CD38: variants seen among roughly 807,000 people sequenced by gnomAD.
CD38 encodes the protein CD38 molecule, also known as ADP-ribosyl cyclase/cyclic ADP-ribose hydrolase 1.
In CD38, 31 loss-of-function variants were observed where a neutral mutation model predicts 36.3. The ratio of observed to expected loss-of-function variants is 0.85; its 90% CI spans 0.64 to 1.15. The LOEUF (loss-of-function observed/expected upper bound fraction) is 1.15, where lower values mean the gene tolerates loss of function less well. Ranked by LOEUF, CD38 falls within the 50% of genes most tolerant of loss-of-function variation. The pLI is 0.00. For synonymous variants in CD38, 131 were observed against 135.2 expected (o/e 0.97, Z 0.22); for missense variants, 380 against 371.9 (o/e 1.02, Z -0.18).
chr4:15,824,792 G>GTT (rs147070346), intron 2 of CD38, 89 bp from the exon 3 acceptor site: 959 of 935,600 alleles, frequency 1.0e-3, no homozygotes, highest in African/African-American at 4.9e-3. Context: ...GATATGCTCT[G>GTT]TTTTTTTTTT....
intron 1 of CD38, among the ~76,000 whole-genome samples, chr4:15,793,339 CAAAGT>C (rs1723044137): frequency 6.6e-6 from 1 of 151,910 alleles, no homozygotes; most frequent in Admixed American, 6.6e-5. Flanking sequence ...AATTTCATTT[CAAAGT>C]AAAGGGAACA....
At chr4:15,837,648 T>C (rs182731307) in intron 4 of CD38, among the ~76,000 whole-genome samples, 4 of 152,336 alleles carry the variant, frequency 2.6e-5, no homozygotes, top group Admixed American at 6.5e-5. Context: ...TTTCCAGGCC[T>C]AAGGGTCCCC....
intron 2 of CD38, among the ~76,000 whole-genome samples, chr4:15,822,197 A>C (rs1409342597): frequency 1.3e-5 from 2 of 152,148 alleles, no homozygotes; most frequent in Non-Finnish European, 2.9e-5. Flanking sequence ...ATACCTCAAA[A>C]TAATAAGAAC....
At chr4:15,826,710 G>A (rs1322437977) in intron 3 of CD38, among the ~76,000 whole-genome samples, 1 of 151,696 alleles carries the variant, frequency 6.6e-6, no homozygotes, top group South Asian at 2.1e-4. Flanking sequence ...GTTTAAGAAC[G>A]GCCTGGGCAA....
rs191903889 is a variant in CD38, at chr4:15,797,842, G to A, written c.234-18669G>A. On this transcript the variant is annotated intron_variant, in intron 1 of 7. Coordinates refer to ENST00000226279, the MANE Select transcript of CD38 (RefSeq NM_001775.4). ...TTCCCCTTTTCATAAGGACCCAGTC[G>A]TATGGGATTAGGGCTTACCCTAATG... Among the ~76,000 whole-genome samples, 17 of 152,130 alleles carry A rather than the reference G, an allele frequency of 1.1e-4. No homozygotes were observed. The East Asian group carries it at 1.7e-3, about 16-fold the overall frequency.
rs1469774022 is a variant in CD38, at chr4:15,815,671, G to A, written c.234-840G>A. 5.9e-5 allele frequency among the ~76,000 whole-genome samples: 9 copies of A among 152,188 alleles called. No homozygotes were observed. In the East Asian group the frequency reaches 1.4e-3, roughly 23 times the overall value. On this transcript the variant is annotated intron_variant, in intron 1 of 7. Coordinates refer to ENST00000226279, the MANE Select transcript of CD38 (RefSeq NM_001775.4). The stretch of plus-strand genomic sequence containing the variant: ...GCTTAAGGAGGTTTTGGGCTGAGAC[G>A]TTGGGGTTTTCTAAATATACAATCA...
intron 1 of CD38, among the ~76,000 whole-genome samples, chr4:15,795,036 C>T (rs183316654): frequency 2.6e-5 from 4 of 152,052 alleles, no homozygotes; most frequent in South Asian, 2.1e-4. Context: ...TTTTTTGAGA[C>T]AATAAGTACA....
intron 3 of CD38, among the ~76,000 whole-genome samples, chr4:15,826,457 GCGCACA>G (rs763802658): frequency 1.2e-4 from 11 of 89,492 alleles, no homozygotes; most frequent in Admixed American, 2.1e-4. Flanking sequence ...ACACTTTTGT[GCGCACA>G]CACACACACA....
In CD38 at chr4:15,778,714, C is replaced by CCGCCCGGAT; in HGVS notation, c.233+76_233+84dup. The CCGCCCGGAT allele has an allele frequency of 8.6e-7, 1 of 1,157,216 alleles. No homozygotes were observed. The highest frequency in any genetic ancestry group is 1.3e-6 in the Non-Finnish European group (1 of 794,922). 71.7% of individuals were successfully genotyped at this position (1,157,216 alleles called of 1,614,324 possible). A position where few individuals can be genotyped will look rare whatever the true frequency, so the allele number is the denominator to read the frequency against. ...CAGCAGGGCCCCGCGCGCAGGGAAG[C>CCGCCCGGAT]CGCCCGGATCGCCCGGAACCGGGCA... On this transcript the variant is annotated intron_variant, in intron 1 of 7. Coordinates refer to ENST00000226279, the MANE Select transcript of CD38 (RefSeq NM_001775.4). The surrounding 1 kb of genome is among the most constrained non-coding windows in gnomAD (Gnocchi z 4.9).
Position 15,848,684 on chromosome 4 carries a change from G to C in CD38, c.*82G>C. On this transcript the variant is annotated 3_prime_UTR_variant, in exon 8 of 8. Coordinates refer to ENST00000226279, the MANE Select transcript of CD38 (RefSeq NM_001775.4). The stretch of plus-strand genomic sequence containing the variant: ...ATGACTCAGCATACCTGCTGGTGCA[G>C]AGCTGAAGATTTTGGAGGGTCCTCC... 1 of 1,182,056 alleles carries C rather than the reference G, an allele frequency of 8.5e-7. No homozygotes were observed. The highest frequency in any genetic ancestry group is 1.9e-4 in the Middle Eastern group (1 of 5,136). The allele number at this position is 1,182,056 out of a possible 1,614,324, so 73.2% of individuals were successfully genotyped here.
intron 7 of CD38, 95 bp downstream of exon 7, chr4:15,840,633 G>A (rs1724186424): frequency 1.4e-6 from 1 of 700,842 alleles, no homozygotes; most frequent in Admixed American, 2.5e-5. Flanking sequence ...AGGGCTGTGT[G>A]AATCTTTCTT....
chr4:15,840,498 AG>A lies in CD38; in HGVS notation c.800del (p.Ser267ThrfsTer22). The A allele has an allele frequency of 6.2e-7, 1 of 1,606,056 alleles. No individual in the cohort carries two copies. The highest frequency in any genetic ancestry group is 8.5e-7 in the Non-Finnish European group (1 of 1,173,178). ...PTIKELESII[S>X]KRNIQFSCKN... is the part of the protein sequence containing the mutation. ...CATAAAAGAGCTGGAATCGATTATA[AG>A]CAAAAGGAATATTCAATTTTCCTGC... On this transcript the variant is annotated frameshift_variant, in exon 7 of 8. Transcript: ENST00000226279. LOFTEE classifies it low-confidence loss of function (END_TRUNC).
chr4:15,847,786 A>T (rs1400896167), intron 7 of CD38, among the ~76,000 whole-genome samples: 1 of 152,134 alleles, frequency 6.6e-6, no homozygotes, highest in Admixed American at 6.5e-5. Context: ...TTTTCTCATA[A>T]ATGACCAGAA....
chr4:15,800,564 G>T (rs978912305), intron 1 of CD38, among the ~76,000 whole-genome samples: 3 of 152,146 alleles, frequency 2.0e-5, no homozygotes, highest in Non-Finnish European at 2.9e-5. Flanking sequence ...TGATGCTGAG[G>T]ATCATCTCAT....
chr4:15,790,132 TCCCTC>T (rs1722929780), intron 1 of CD38, among the ~76,000 whole-genome samples: 4 of 24,650 alleles, frequency 1.6e-4, no homozygotes, highest in South Asian at 1.4e-3. Flanking sequence ...CCTCTCCCTC[TCCCTC>T]TCCCTCTCCC....
intron 1 of CD38, among the ~76,000 whole-genome samples, chr4:15,805,068 G>C (rs1723312630): frequency 6.6e-6 from 1 of 152,078 alleles, no homozygotes; most frequent in Non-Finnish European, 1.5e-5. Context: ...AAAGTGATAA[G>C]AAAAATTAGT....
At position 15,851,726 on chromosome 4, in the gene CD38, A is replaced by G. The variant is rs117595767; in HGVS notation, c.*3124A>G. The G allele has an allele frequency of 2.3e-3, 357 of 152,360 alleles. 7 individuals are homozygous for G. The East Asian group carries it at 0.054, about 23-fold the overall frequency. The allele number at this position is 152,360 out of a possible 1,614,324, so 9.4% of individuals were successfully genotyped here. A position where few individuals can be genotyped will look rare whatever the true frequency, so the allele number is the denominator to read the frequency against. ...CAAACACACGCACACAAGCCTGCAT[A>G]CATCATATGCCAACAGTGGGGATAT... is the stretch of plus-strand genomic sequence containing the variant. On this transcript the variant is annotated 3_prime_UTR_variant, in exon 8 of 8. Coordinates refer to ENST00000226279, the MANE Select transcript of CD38 (RefSeq NM_001775.4).
At chr4:15,816,988 G>A (rs1464163271) in intron 2 of CD38, among the ~76,000 whole-genome samples, 1 of 152,124 alleles carries the variant, frequency 6.6e-6, no homozygotes, top group East Asian at 1.9e-4. Context: ...GATAATAATA[G>A]TAGTAGTAGT....
chr4:15,802,881 A>T (rs942459041), intron 1 of CD38, among the ~76,000 whole-genome samples: 1 of 152,194 alleles, frequency 6.6e-6, no homozygotes, highest in Admixed American at 6.5e-5. Context: ...AACTGGAGGG[A>T]TCACACTACT....
Sources: gnomAD v4.1 joint callset for allele counts (sites outside exome capture counted in the v4.1 genomes callset) on GRCh38, gnomAD v4.1.1 for gene constraint, Gnocchi (gnomAD v3.1) non-coding constraint, MANE v1.5 for transcripts, NCBI Gene and HGNC (gene_info 2026-07-23, HGNC 2026-07-21) for gene names.